BTG4: variants seen among roughly 807,000 people sequenced by gnomAD.
BTG4 encodes the protein protein BTG4.
Under a neutral mutation model 19.3 loss-of-function variants are expected in BTG4, and 10 were observed. That is an observed-to-expected ratio of 0.52 (90% CI 0.32 to 0.88). BTG4 has a LOEUF of 0.88. Among genes scored for constraint, BTG4 ranks in the 40% least tolerant of loss-of-function variants. BTG4 has a pLI of 0.04. For missense variants in BTG4, 238 were observed against 281.9 expected (o/e 0.84, Z 1.11); for synonymous variants, 91 against 95.7 (o/e 0.95, Z 0.29).
At chr11:111,478,706 T>C (rs1864545882) in intron 5 of BTG4, among the ~76,000 whole-genome samples, 1 of 151,732 alleles carries the variant, frequency 6.6e-6, no homozygotes, top group Non-Finnish European at 1.5e-5. Flanking sequence ...AAATGAAAAA[T>C]GTAAAAACTA....
intron 3 of BTG4, 95 bp from the exon 4 acceptor site, chr11:111,497,504 A>C: frequency 1.2e-6 from 1 of 801,560 alleles, no homozygotes; most frequent in Non-Finnish European, 1.8e-6. Context: ...CTTATTTTAA[A>C]AGAAATTGCC....
At chr11:111,457,699 C>G in the BTG4 span, 1 of 152,350 alleles carries the variant, frequency 6.6e-6, no homozygotes, top group African/African-American at 2.4e-5. Context: ...CCACCATGCT[C>G]TACCCCCTGC....
the BTG4 span, among the ~76,000 whole-genome samples, chr11:111,441,539 C>T: frequency 3.9e-5 from 6 of 152,292 alleles, no homozygotes; most frequent in South Asian, 8.3e-4. Flanking sequence ...TTAGAGATGC[C>T]TTACGGATTG....
the BTG4 span, among the ~76,000 whole-genome samples, chr11:111,399,650 T>C: frequency 6.6e-6 from 1 of 152,196 alleles, no homozygotes; most frequent in Admixed American, 6.5e-5. Context: ...CTCCACAGTT[T>C]TAAGCGGGCT....
the BTG4 span, chr11:111,417,033 T>A: frequency 1.3e-5 from 2 of 152,184 alleles, no homozygotes; most frequent in South Asian, 4.1e-4. Context: ...CCATGTTTAG[T>A]TAAACTTTGA....
the BTG4 span, among the ~76,000 whole-genome samples, chr11:111,437,627 G>A: frequency 8.5e-5 from 13 of 152,094 alleles, no homozygotes; most frequent in South Asian, 2.1e-4. Context: ...CATCCTCACC[G>A]CCTTGCCTGA....
chr11:111,485,817 G>A (rs952013670), intron 5 of BTG4, among the ~76,000 whole-genome samples: 1 of 151,962 alleles, frequency 6.6e-6, no homozygotes, highest in Non-Finnish European at 1.5e-5. Context: ...TTTTTGAAAA[G>A]ATAAACAAAA....
At chr11:111,455,053 C>T in the BTG4 span, 237 of 455,790 alleles carry the variant, frequency 5.2e-4, 1 homozygote, top group South Asian at 3.6e-3. Context: ...CTCCGCTAAC[C>T]GGCTTCTGAG....
the BTG4 span, among the ~76,000 whole-genome samples, chr11:111,422,166 A>G: frequency 6.6e-6 from 1 of 152,310 alleles, no homozygotes; most frequent in East Asian, 1.9e-4. Context: ...GATGCAGGGG[A>G]GGGTCTTCTG....
the BTG4 span, among the ~76,000 whole-genome samples, chr11:111,425,718 C>T: frequency 6.6e-6 from 1 of 152,128 alleles, no homozygotes; most frequent in Non-Finnish European, 1.5e-5. Flanking sequence ...TGGGAACTAG[C>T]AAGGGCAAGA....
rs1864286706 is a variant in BTG4, at chr11:111,474,590, G to A, written c.663-6909C>T. 2.6e-5 allele frequency among the ~76,000 whole-genome samples: 4 copies of A among 152,054 alleles called. No individual in the cohort carries two copies. In the South Asian group the frequency reaches 8.3e-4, roughly 32 times the overall value. ...CTCATTCAACTGTTGATGCATATGT[G>A]GGTATTTTCCAGTTTGGGATTATTA... On this transcript the variant is annotated intron_variant, in intron 5 of 5. Coordinates refer to the BTG4 transcript ENST00000356018.
chr11:111,393,744 T>A, the BTG4 span, among the ~76,000 whole-genome samples: 1 of 152,176 alleles, frequency 6.6e-6, no homozygotes, highest in Non-Finnish European at 1.5e-5. Flanking sequence ...CAAGCTCCAC[T>A]TTATGCTGAT....
chr11:111,504,820 A>G (rs1245577041), intron 1 of BTG4, among the ~76,000 whole-genome samples: 2 of 151,994 alleles, frequency 1.3e-5, no homozygotes, highest in African/African-American at 2.4e-5. Flanking sequence ...TTCTATAAAC[A>G]GTAACATTGA....
upstream of BTG4, among the ~76,000 whole-genome samples, chr11:111,512,536 G>C (rs1591549168): frequency 6.6e-6 from 1 of 152,296 alleles, no homozygotes; most frequent in East Asian, 1.9e-4. Flanking sequence ...CCAGCTCTAG[G>C]GTTTGGGGCT....
At chr11:111,434,195 A>G in the BTG4 span, among the ~76,000 whole-genome samples, 1 of 152,272 alleles carries the variant, frequency 6.6e-6, no homozygotes, top group African/African-American at 2.4e-5. Context: ...TGTGGCACAT[A>G]TACACCATTG....
the BTG4 span, among the ~76,000 whole-genome samples, chr11:111,447,728 T>A: frequency 3.9e-5 from 6 of 152,114 alleles, no homozygotes; most frequent in Non-Finnish European, 7.4e-5. Flanking sequence ...TGGAGACACT[T>A]AAGTTGTCTG....
At chr11:111,468,428 G>T (rs547935787) in intron 5 of BTG4, among the ~76,000 whole-genome samples, 1 of 152,326 alleles carries the variant, frequency 6.6e-6, no homozygotes, top group African/African-American at 2.4e-5. Flanking sequence ...AGCCCAGAGA[G>T]GCTAAGTAAC....
At chr11:111,491,568 C>T (rs1001306761), downstream of BTG4, among the ~76,000 whole-genome samples, 2 of 151,616 alleles carry the variant, frequency 1.3e-5, no homozygotes, top group African/African-American at 2.4e-5. Context: ...GGCAACATAG[C>T]GAGACCTCGT....
Position 111,495,146 on chromosome 11 carries a change from T to G in BTG4, c.679A>C (p.Thr227Pro). 6.3e-7 allele frequency: 1 copy of G among 1,575,016 alleles called. No individual in the cohort carries two copies. The highest frequency in any genetic ancestry group is 8.6e-7 in the Non-Finnish European group (1 of 1,162,286). Residue 227 changes from threonine to proline, a missense_variant, in exon 5 of 5, where the codon ACA (threonine) becomes CCA (proline). Thr to Pro is a conservative substitution (Grantham distance 38). Coordinates refer to ENST00000692032, the MANE Select transcript of BTG4 (RefSeq NM_001367975.1). ...GCCCAGTCGCTGCGTCATCGGTGTG[T>G]GTTGACCCAGTGGTACCTGTCCAGC... is the stretch of plus-strand genomic sequence containing the variant. ...HRLDRYHWVN[T>P]HR
Sources: gnomAD v4.1 joint callset for allele counts (sites outside exome capture counted in the v4.1 genomes callset) on GRCh38, gnomAD v4.1.1 for gene constraint, MANE v1.5 for transcripts, NCBI Gene and HGNC (gene_info 2026-07-23, HGNC 2026-07-21) for gene names.